SLC22A25: variants seen among roughly 807,000 people sequenced by gnomAD.
The protein encoded by SLC22A25 is MGI:2442751, MGI:2385316, MGI:3042283, MGI:3645714, MGI:3605624, MGI:2442750.
In SLC22A25, 44 loss-of-function variants were observed where a neutral mutation model predicts 45.9. The ratio of observed to expected loss-of-function variants is 0.96; its 90% confidence interval spans 0.75 to 1.23. The LOEUF is 1.23. SLC22A25 is among the 50% of genes most tolerant of loss of function. The pLI is 0.00. For missense variants in SLC22A25, 800 were observed against 666.4 expected, an observed-to-expected ratio of 1.20 and a Z score of -2.21; for synonymous variants, 283 against 238.6, an observed-to-expected ratio of 1.19 and a Z score of -1.72.
chr11:63,178,475 C>A (rs1226365483), intron 9 of SLC22A25, among the ~76,000 whole-genome samples: 1 of 98,982 alleles, frequency 1.0e-5, no homozygotes, highest in Non-Finnish European at 2.4e-5. Flanking sequence ...TCTTCCCCAG[C>A]ATTTTTTTTT....
chr11:63,198,878 A>G (rs1441997104), intron 7 of SLC22A25, among the ~76,000 whole-genome samples: 1 of 152,158 alleles, frequency 6.6e-6, no homozygotes, highest in Non-Finnish European at 1.5e-5. Context: ...GATACAACAT[A>G]CCAGCATCTC....
At position 63,217,755 on chromosome 11, in the gene SLC22A25, T is replaced by G. The variant is rs1304892392; in HGVS notation, c.507-20A>C. The G allele has an allele frequency of 3.1e-6, 5 of 1,588,318 alleles. No homozygotes were observed. ...CCAAACCTGAGAAACAGGGGCACAT[T>G]AGATAATGGGAACAATAACAACCTT... is the stretch of plus-strand genomic sequence containing the variant. On this transcript the variant is annotated intron_variant, in intron 5 of 11. Coordinates refer to ENST00000306494, the MANE Select transcript of SLC22A25 (RefSeq NM_199352.6).
At position 63,159,438 on chromosome 11, in the gene SLC22A25, GT is replaced by G. The variant is rs200489807; in HGVS notation, c.*4385del. Reference sequence around the variant, plus strand: ...TGAATAAGTTTCATGAGATCTGAGGGTTTTATAAGGGGGAGTTTCCCTGCAG... The same window carrying G: ...TGAATAAGTTTCATGAGATCTGAGGGTTTATAAGGGGGAGTTTCCCTGCAG... On this transcript the variant is annotated 3_prime_UTR_variant, in exon 12 of 12. Coordinates refer to ENST00000306494, the MANE Select transcript of SLC22A25 (RefSeq NM_199352.6). Among the ~76,000 whole-genome samples, 1 of 152,094 alleles carries G rather than the reference GT, an allele frequency of 6.6e-6. No individual in the cohort carries two copies. The highest frequency in any genetic ancestry group is 1.5e-5 in the Non-Finnish European group (1 of 68,018).
intron 9 of SLC22A25, among the ~76,000 whole-genome samples, chr11:63,172,815 A>G (rs2087937995): frequency 6.6e-6 from 1 of 152,118 alleles, no homozygotes; most frequent in Admixed American, 6.6e-5. Flanking sequence ...GTGTTGATTC[A>G]TCATGGATTT....
intron 5 of SLC22A25, among the ~76,000 whole-genome samples, chr11:63,224,316 T>G (rs1338030447): frequency 6.6e-6 from 1 of 152,168 alleles, no homozygotes; most frequent in East Asian, 1.9e-4. Context: ...ATTTTCAGTC[T>G]ATGTGTGTAT....
chr11:63,226,288 G>A (rs2089960808), intron 5 of SLC22A25, among the ~76,000 whole-genome samples: 1 of 152,090 alleles, frequency 6.6e-6, no homozygotes, highest in Admixed American at 6.6e-5. Flanking sequence ...TCCTTCTTGG[G>A]TAGACTTTTC....
Position 63,222,289 on chromosome 11 carries a change from C to T in SLC22A25, c.507-4554G>A, listed in dbSNP as rs374293910. On this transcript the variant is annotated intron_variant, in intron 5 of 11. Transcript: ENST00000306494. ...GAATATCTTTCCATTTTTGGTGTCC[C>T]ATTCAATTTATTTCGCCAACATTTT... 4.4e-4 allele frequency among the ~76,000 whole-genome samples: 67 copies of T among 152,014 alleles called. 3 individuals carry two copies. The highest frequency in any genetic ancestry group is 2.3e-3 in the East Asian group (12 of 5,190).
At chr11:63,189,545 T>C (rs760750343) in intron 7 of SLC22A25, among the ~76,000 whole-genome samples, 4 of 152,218 alleles carry the variant, frequency 2.6e-5, no homozygotes, top group Non-Finnish European at 4.4e-5. Flanking sequence ...CCTATTTACA[T>C]TTGAGGGTAA....
At position 63,163,623 on chromosome 11, in the gene SLC22A25, T is replaced by C. The variant is rs1266591848; in HGVS notation, c.*201A>G. ...CAGAGGTCACCTAATTTTGGTCTTTTCACCACAAATTAACCTCCTGGACAG... is the reference window on the plus strand; with the variant it reads ...CAGAGGTCACCTAATTTTGGTCTTTCCACCACAAATTAACCTCCTGGACAG... On this transcript the variant is annotated 3_prime_UTR_variant, in exon 12 of 12. Coordinates refer to ENST00000306494, the MANE Select transcript of SLC22A25 (RefSeq NM_199352.6). Among the ~76,000 whole-genome samples the C allele has an allele frequency of 6.6e-6, 1 of 151,924 alleles. No homozygotes were observed. The highest frequency in any genetic ancestry group is 1.5e-5 in the Non-Finnish European group (1 of 67,982).
rs1332398475 is a variant in SLC22A25 at position 63,159,877 on chromosome 11, G to C, written c.*3947C>G. On this transcript the variant is annotated 3_prime_UTR_variant, in exon 12 of 12. Transcript: ENST00000306494. ...ACTTGTTGGTAACTGGAGTAAAGGTGACTCTTGCTATATTTTAGTAAAGAG... is the reference window on the plus strand; with the variant it reads ...ACTTGTTGGTAACTGGAGTAAAGGTCACTCTTGCTATATTTTAGTAAAGAG... Among the ~76,000 whole-genome samples, 1 of 152,202 alleles carries C rather than the reference G, an allele frequency of 6.6e-6. No individual in the cohort carries two copies. Among genetic ancestry groups the C allele is most frequent in the Non-Finnish European group, 1.5e-5 (1 of 68,044 alleles).
At position 63,163,575 on chromosome 11, in the gene SLC22A25, A is replaced by G. The variant is rs1020038853; in HGVS notation, c.*249T>C. Among the ~76,000 whole-genome samples the G allele has an allele frequency of 1.3e-5, 2 of 152,080 alleles. No individual in the cohort carries two copies. The highest frequency in any genetic ancestry group is 4.8e-5 in the African/African-American group (2 of 41,424). On this transcript the variant is annotated 3_prime_UTR_variant, in exon 12 of 12. Coordinates refer to ENST00000306494, the MANE Select transcript of SLC22A25 (RefSeq NM_199352.6). ...TTGTAGAATACCTTCAAGAGTATGC[A>G]TGTCATACCAGGGCAGGAAGGGCAG...
In SLC22A25 at chr11:63,183,700, G is replaced by T. The variant is rs2088412546; in HGVS notation, c.948C>A (p.Thr316=). The T allele has an allele frequency of 6.2e-7, 1 of 1,612,750 alleles. No homozygotes were observed. The highest frequency in any genetic ancestry group is 8.5e-7 in the Non-Finnish European group (1 of 1,179,134). ...CAGCTCCCGTCTTGCTTACCTCCATGGTTAGGATGTCTTCAGCATTCTTCA... is the reference window on the plus strand; with the variant it reads ...CAGCTCCCGTCTTGCTTACCTCCATTGTTAGGATGTCTTCAGCATTCTTCA... The part of the protein sequence containing the change: ...NGMKNAEDIL[T]MEVLKSTMKQ... The change falls in exon 8 of 12, where the codon ACC becomes ACA. Residue 316 remains threonine (T), a synonymous_variant. Transcript: ENST00000306494.
chr11:63,172,679 G>A (rs1269889467), intron 9 of SLC22A25, among the ~76,000 whole-genome samples: 1 of 148,128 alleles, frequency 6.8e-6, no homozygotes, highest in Non-Finnish European at 1.5e-5. Flanking sequence ...TTTTAACCTG[G>A]TGGATAGCCT....
intron 7 of SLC22A25, among the ~76,000 whole-genome samples, chr11:63,202,009 T>C (rs1590855940): frequency 6.6e-6 from 1 of 152,062 alleles, no homozygotes; most frequent in African/African-American, 2.4e-5. Flanking sequence ...CAGAAGCAGG[T>C]TGGGACATCA....
chr11:63,203,687 G>A (rs1179740870), intron 7 of SLC22A25, among the ~76,000 whole-genome samples: 1 of 152,126 alleles, frequency 6.6e-6, no homozygotes, highest in African/African-American at 2.4e-5. Flanking sequence ...ATTGACTGGT[G>A]TACATGAAAG....
chr11:63,196,013 T>C (rs2089013595), intron 7 of SLC22A25, among the ~76,000 whole-genome samples: 2 of 152,102 alleles, frequency 1.3e-5, no homozygotes, highest in Non-Finnish European at 2.9e-5. Flanking sequence ...AAGAAATGGA[T>C]AAATTCCTGG....
rs184074173 is a variant in SLC22A25 at position 63,230,854 on chromosome 11, A to G, written c.-444-758T>C. Among the ~76,000 whole-genome samples, 248 of 152,050 alleles carry G rather than the reference A, an allele frequency of 1.6e-3. 3 individuals carry two copies. The highest frequency in any genetic ancestry group is 5.8e-3 in the African/African-American group (239 of 41,450). On this transcript the variant is annotated intron_variant, in intron 3 of 11. Transcript: ENST00000306494. The stretch of plus-strand genomic sequence containing the variant: ...CATGATGTTCCCCTTCCTGTGTCCA[A>G]ATGTTCTCATTGTTCAATTCCCACC...
intron 8 of SLC22A25, among the ~76,000 whole-genome samples, 185 bp downstream of exon 8, chr11:63,183,509 T>C (rs2088404002): frequency 6.6e-6 from 1 of 152,120 alleles, no homozygotes; most frequent in Non-Finnish European, 1.5e-5. Context: ...TCCCATCCTT[T>C]CAGCAACAGG....
chr11:63,230,569 T>G (rs188491560), intron 3 of SLC22A25, among the ~76,000 whole-genome samples: 1 of 152,318 alleles, frequency 6.6e-6, no homozygotes, highest in East Asian at 1.9e-4. Context: ...GCACCTTGAT[T>G]AGGACTAAAA....
Sources: gnomAD v4.1 joint callset for allele counts (sites outside exome capture counted in the v4.1 genomes callset) on GRCh38, gnomAD v4.1.1 for gene constraint, MANE v1.5 for transcripts, NCBI Gene and HGNC (gene_info 2026-07-23, HGNC 2026-07-21) for gene names.